ARSB: variants seen among roughly 807,000 people sequenced by gnomAD.
The protein encoded by ARSB is N-acetylgalactosamine-4-sulfatase.
ARSB carries 41 observed loss-of-function variants against 50.9 expected under a neutral mutation model. The observed-to-expected ratio is 0.81, with a 90% CI of 0.63 to 1.04. The LOEUF is 1.04. Among genes scored for constraint, ARSB ranks in the 50% least tolerant of loss-of-function variants. The pLI, the probability that ARSB is intolerant of heterozygous loss-of-function variation, is 0.00. For missense variants in ARSB, 672 were observed against 693.3 expected, an observed-to-expected ratio of 0.97 and a Z score of 0.35; for synonymous variants, 269 against 284.8, an observed-to-expected ratio of 0.94 and a Z score of 0.56.
chr5:78,868,826 T>G (rs997128030), intron 5 of ARSB, among the ~76,000 whole-genome samples: 1 of 146,422 alleles, frequency 6.8e-6, no homozygotes, highest in African/African-American at 2.7e-5. Flanking sequence ...TAACTTTAAA[T>G]GTAAATGGAC....
At chr5:78,839,975 C>T (rs939637561) in intron 5 of ARSB, among the ~76,000 whole-genome samples, 8 of 152,182 alleles carry the variant, frequency 5.3e-5, no homozygotes, top group African/African-American at 1.9e-4. Flanking sequence ...TGTGTACACA[C>T]AAATACAATC....
chr5:78,975,945 A>C (rs1469564188), intron 1 of ARSB, among the ~76,000 whole-genome samples: 6 of 152,250 alleles, frequency 3.9e-5, no homozygotes, highest in Non-Finnish European at 8.8e-5. Context: ...GAATAAAGTC[A>C]ATTTGTAAGA....
chr5:78,966,864 A>G (rs1752227394), intron 2 of ARSB, among the ~76,000 whole-genome samples: 1 of 151,518 alleles, frequency 6.6e-6, no homozygotes, highest in Non-Finnish European at 1.5e-5. Flanking sequence ...TGACAAAGTG[A>G]TCTTACATCA....
chr5:78,815,464 G>A (rs1743953962), intron 6 of ARSB: 8 of 885,326 alleles, frequency 9.0e-6, no homozygotes, highest in Non-Finnish European at 1.1e-5. Context: ...CAGAAAGTGT[G>A]ACTTGGCAAA....
intron 5 of ARSB, among the ~76,000 whole-genome samples, chr5:78,871,832 A>C (rs1274445970): frequency 2.3e-5 from 3 of 131,152 alleles, no homozygotes; most frequent in African/African-American, 5.1e-5. Context: ...TAATTAAACT[A>C]AAGAGCTTCT....
intron 4 of ARSB, among the ~76,000 whole-genome samples, chr5:78,904,685 CTTTTTT>C (rs55920994): frequency 2.0e-5 from 2 of 98,924 alleles, no homozygotes; most frequent in Non-Finnish European, 2.0e-5. Flanking sequence ...TTCTTTCTTT[CTTTTTT>C]TTTTTTTTTT....
chr5:78,968,759 T>C (rs770705712), intron 2 of ARSB, among the ~76,000 whole-genome samples: 2 of 152,188 alleles, frequency 1.3e-5, no homozygotes, highest in African/African-American at 2.4e-5. Context: ...CCAACGTGGA[T>C]AGTAAACTCT....
intron 4 of ARSB, among the ~76,000 whole-genome samples, chr5:78,895,662 C>T (rs1401385551): frequency 6.6e-6 from 1 of 152,168 alleles, no homozygotes; most frequent in Non-Finnish European, 1.5e-5. Flanking sequence ...CCTCATGTGC[C>T]CTGCATCTCC....
At chr5:78,822,529 T>C (rs920168250) in intron 6 of ARSB, among the ~76,000 whole-genome samples, 1 of 152,192 alleles carries the variant, frequency 6.6e-6, no homozygotes, top group Admixed American at 6.5e-5. Context: ...AAGTAATAGG[T>C]ACACTGAATT....
At chr5:78,783,970 A>G (rs1016836109) in intron 6 of ARSB, among the ~76,000 whole-genome samples, 1 of 152,210 alleles carries the variant, frequency 6.6e-6, no homozygotes, top group Non-Finnish European at 1.5e-5. Flanking sequence ...CCCAAAATGA[A>G]CAGATGTTAA....
At chr5:78,852,686 A>C (rs1745883593) in intron 5 of ARSB, among the ~76,000 whole-genome samples, 1 of 152,150 alleles carries the variant, frequency 6.6e-6, no homozygotes. Flanking sequence ...CGTCACTTTC[A>C]GGTACACCAA....
At chr5:78,870,425 G>A (rs1747079221) in intron 5 of ARSB, among the ~76,000 whole-genome samples, 1 of 115,026 alleles carries the variant, frequency 8.7e-6, no homozygotes, top group Non-Finnish European at 1.9e-5. Context: ...ATAAAATACT[G>A]GCAAACCAAA....
chr5:78,948,813 T>C (rs190642262), intron 4 of ARSB, among the ~76,000 whole-genome samples: 2 of 152,280 alleles, frequency 1.3e-5, no homozygotes, highest in Admixed American at 6.5e-5. Context: ...CCTTGTAAGG[T>C]AAATTCCTAA....
chr5:78,904,829 C>T (rs2112286770), intron 4 of ARSB, among the ~76,000 whole-genome samples: 1 of 152,008 alleles, frequency 6.6e-6, no homozygotes, highest in Non-Finnish European at 1.5e-5. Context: ...GCTGGGACGA[C>T]AGGCGTGTGC....
At chr5:78,854,731 A>G (rs1051929889) in intron 5 of ARSB, among the ~76,000 whole-genome samples, 2 of 152,236 alleles carry the variant, frequency 1.3e-5, no homozygotes, top group Non-Finnish European at 2.9e-5. Context: ...TTCCAGATAC[A>G]GGACTCCCTT....
At chr5:78,877,194 T>C (rs1048509499) in intron 5 of ARSB, among the ~76,000 whole-genome samples, 2 of 152,104 alleles carry the variant, frequency 1.3e-5, no homozygotes, top group Non-Finnish European at 2.9e-5. Flanking sequence ...TCAGCCAGCC[T>C]TGAAAAACTC....
chr5:78,827,416 G>A (rs1398481829), intron 6 of ARSB, among the ~76,000 whole-genome samples: 1 of 152,008 alleles, frequency 6.6e-6, no homozygotes, highest in African/African-American at 2.4e-5. Context: ...TTGCCATGTT[G>A]GCCAGGCTGG....
At chr5:78,852,956 G>A (rs56031188) in intron 5 of ARSB, among the ~76,000 whole-genome samples, 4 of 152,014 alleles carry the variant, frequency 2.6e-5, no homozygotes, top group Admixed American at 6.6e-5. Flanking sequence ...TTATACATTC[G>A]TCTAAATTTT....
At chr5:78,943,585 T>C (rs891850597) in intron 4 of ARSB, among the ~76,000 whole-genome samples, 1 of 152,228 alleles carries the variant, frequency 6.6e-6, no homozygotes, top group Non-Finnish European at 1.5e-5. Flanking sequence ...TTCTTTTCTT[T>C]AAGAATGTTG....
Sources: gnomAD v4.1 joint callset for allele counts (sites outside exome capture counted in the v4.1 genomes callset) on GRCh38, gnomAD v4.1.1 for gene constraint, MANE v1.5 for transcripts, NCBI Gene and HGNC (gene_info 2026-07-23, HGNC 2026-07-21) for gene names.